Variants in ALK observed in about 807,000 individuals in gnomAD.
The protein encoded by ALK is ALK tyrosine kinase receptor.
Under a neutral mutation model 163.1 loss-of-function variants are expected in ALK, and 74 were observed. The ratio of observed to expected loss-of-function variants is 0.45; its 90% CI spans 0.38 to 0.55. The LOEUF is 0.55. ALK is among the 20% of genes least tolerant of loss of function. ALK has a pLI of 0.00. For synonymous variants in ALK, 960 were observed against 843.2 expected, an observed-to-expected ratio of 1.14 and a Z score of -2.40; for missense variants, 2,063 against 2,105.3, an observed-to-expected ratio of 0.98 and a Z score of 0.39.
At chr2:29,847,988 A>T (rs1367245523) in intron 1 of ALK, among the ~76,000 whole-genome samples, 1 of 152,142 alleles carries the variant, frequency 6.6e-6, no homozygotes, top group Non-Finnish European at 1.5e-5. Flanking sequence ...GCTCCAAAAA[A>T]TAGGCCCAGC....
chr2:29,836,657 G>A (rs1665569763), intron 1 of ALK, among the ~76,000 whole-genome samples: 1 of 152,148 alleles, frequency 6.6e-6, no homozygotes, highest in African/African-American at 2.4e-5. Flanking sequence ...TCAGAGCTTA[G>A]ACCCCTAATC....
At chr2:29,280,201 A>AG (rs1665672818) in intron 9 of ALK, among the ~76,000 whole-genome samples, 1 of 151,202 alleles carries the variant, frequency 6.6e-6, no homozygotes, top group Non-Finnish European at 1.5e-5. Flanking sequence ...TCTGGGACTG[A>AG]GGGGAGGTTA....
At chr2:29,206,283 CCTCCCTCT>C (rs1265357743) in intron 26 of ALK, among the ~76,000 whole-genome samples, 2 of 150,672 alleles carry the variant, frequency 1.3e-5, no homozygotes, top group African/African-American at 2.5e-5. Flanking sequence ...TCGTTCCCTC[CCTCCCTCT>C]CTCTCCCCCT....
At chr2:29,527,457 G>A (rs1422937709) in intron 4 of ALK, among the ~76,000 whole-genome samples, 1 of 152,052 alleles carries the variant, frequency 6.6e-6, no homozygotes, top group Non-Finnish European at 1.5e-5. Flanking sequence ...ACCTTTCCAG[G>A]GTGCCACTGT....
chr2:29,428,332 C>A (rs1670192765), intron 4 of ALK, among the ~76,000 whole-genome samples: 3 of 152,024 alleles, frequency 2.0e-5, no homozygotes, highest in Middle Eastern at 3.4e-3. Flanking sequence ...TAAATTTGTT[C>A]TTTGCAAAAA....
chr2:29,688,018 G>A (rs1678287626), intron 3 of ALK, among the ~76,000 whole-genome samples: 1 of 152,192 alleles, frequency 6.6e-6, no homozygotes, highest in Admixed American at 6.6e-5. Context: ...ATGGAAACAA[G>A]AATTTCTATA....
intron 4 of ALK, among the ~76,000 whole-genome samples, chr2:29,508,696 T>TAA (rs56010037): frequency 3.8e-4 from 45 of 119,012 alleles, no homozygotes; most frequent in Admixed American, 1.2e-3. Context: ...TAGAGTATAA[T>TAA]AAAAAAAAAA....
Position 29,193,789 on chromosome 2 carries a change from T to A in ALK, c.4298A>T (p.Glu1433Val), listed in dbSNP as rs1668950412. The change falls in exon 29 of 29, where the codon GAG (glutamate) becomes GTG (valine). Residue 1433 changes from glutamate (E) to valine (V), a missense_variant. Glu to Val is a moderately radical substitution (Grantham distance 121). Around this residue, in one of 5 missense-constraint regions of ALK, gnomAD observed 403 missense variants for 366.2 expected, o/e 1.10. Coordinates refer to ENST00000389048, the MANE Select transcript of ALK (RefSeq NM_004304.5). ...TGGGGCAGCTGGGCTGCGCTCCTCC[T>A]CCCGTTTTGCCTGTTGAGAGACCAG... ...PLLVSQQAKR[E>V]EERSPAAPPP... The A allele has an allele frequency of 6.3e-7, 1 of 1,594,838 alleles. No individual in the cohort carries two copies. Among genetic ancestry groups the A allele is most frequent in the Admixed American group, 1.7e-5 (1 of 57,632 alleles).
intron 4 of ALK, among the ~76,000 whole-genome samples, chr2:29,485,960 A>G (rs1474644588): frequency 6.6e-6 from 1 of 152,122 alleles, no homozygotes; most frequent in Admixed American, 6.5e-5. Flanking sequence ...TTGGCTGGTC[A>G]TCCTTAGAAG....
chr2:29,612,536 C>A (rs563319443), intron 3 of ALK, among the ~76,000 whole-genome samples: 3 of 152,156 alleles, frequency 2.0e-5, no homozygotes, highest in Admixed American at 1.3e-4. Context: ...AAGGAGGAAC[C>A]GTCCTACCCA....
chr2:29,859,523 G>A (rs1666226719), intron 1 of ALK, among the ~76,000 whole-genome samples: 1 of 152,188 alleles, frequency 6.6e-6, no homozygotes, highest in Non-Finnish European at 1.5e-5. Flanking sequence ...AGGGATCAGG[G>A]GAGGCAATGA....
At chr2:29,635,807 T>C (rs1285591602) in intron 3 of ALK, among the ~76,000 whole-genome samples, 2 of 151,656 alleles carry the variant, frequency 1.3e-5, no homozygotes, top group Non-Finnish European at 2.9e-5. Flanking sequence ...CTTTAAGTTC[T>C]AGGGTACATG....
chr2:29,555,161 A>G (rs545676170), intron 3 of ALK, among the ~76,000 whole-genome samples: 2 of 152,210 alleles, frequency 1.3e-5, no homozygotes, highest in East Asian at 3.9e-4. Flanking sequence ...TTCTTCTTGT[A>G]TGAGATCTGA....
At chr2:29,267,857 TAA>T (rs1278217761) in intron 11 of ALK, among the ~76,000 whole-genome samples, 1 of 152,128 alleles carries the variant, frequency 6.6e-6, no homozygotes, top group Admixed American at 6.5e-5. Context: ...AGAAGAATGA[TAA>T]AAAAGCAGTC....
At chr2:29,676,360 G>A (rs546711360) in intron 3 of ALK, among the ~76,000 whole-genome samples, 2 of 151,978 alleles carry the variant, frequency 1.3e-5, no homozygotes, top group Admixed American at 6.6e-5. Context: ...GTTAATTTTT[G>A]TGTATGGTAT....
intron 1 of ALK, among the ~76,000 whole-genome samples, chr2:29,763,268 T>A (rs535543565): frequency 6.6e-6 from 1 of 152,180 alleles, no homozygotes; most frequent in East Asian, 1.9e-4. Flanking sequence ...GAGGAGTACA[T>A]GAAATGCATG....
At chr2:29,830,764 C>G (rs4666280) in intron 1 of ALK, among the ~76,000 whole-genome samples, 41,886 of 99,116 alleles carry the variant, frequency 0.42, 10,638 homozygotes, top group East Asian at 0.75. Flanking sequence ...CTTAGCCAAG[C>G]ATGGTGGCAT....
At chr2:29,917,547 G>C (rs1667865814) in intron 1 of ALK, among the ~76,000 whole-genome samples, 1 of 152,210 alleles carries the variant, frequency 6.6e-6, no homozygotes, top group Non-Finnish European at 1.5e-5. Flanking sequence ...GGTATAGCAA[G>C]GTGTATCTAC....
intron 3 of ALK, among the ~76,000 whole-genome samples, chr2:29,625,765 C>T (rs1676176545): frequency 6.6e-6 from 1 of 152,206 alleles, no homozygotes; most frequent in Non-Finnish European, 1.5e-5. Flanking sequence ...ATCCAGCTAA[C>T]CTCTGCCTGC....
Sources: allele counts gnomAD v4.1 joint callset (sites outside exome capture counted in the v4.1 genomes callset), GRCh38; gene constraint gnomAD v4.1.1; regional missense constraint gnomAD v4.1.1; transcripts MANE v1.5; gene names NCBI Gene and HGNC (gene_info 2026-07-23, HGNC 2026-07-21).